MYO16: variants seen among roughly 807,000 people sequenced by gnomAD.
The protein encoded by MYO16 is unconventional myosin-XVI.
Under a neutral mutation model 205.3 loss-of-function variants are expected in MYO16, and 94 were observed. The observed-to-expected ratio is 0.46, with a 90% CI of 0.39 to 0.54. MYO16 has a LOEUF of 0.54. MYO16 is among the 20% of genes least tolerant of loss of function. The pLI, the probability that MYO16 is intolerant of heterozygous loss-of-function variation, is 0.00. For missense variants in MYO16, 2,315 were observed against 2,387.5 expected, an observed-to-expected ratio of 0.97 and a Z score of 0.63; for synonymous variants, 988 against 954.0, an observed-to-expected ratio of 1.04 and a Z score of -0.66.
chr13:108,520,094 C>T, the MYO16 span, among the ~76,000 whole-genome samples: 50,933 of 151,800 alleles, frequency 0.34, 10,586 homozygotes, highest in African/African-American at 0.59. Context: ...ATTCATTTTC[C>T]GTAGTTATGC....
intron 32 of MYO16, among the ~76,000 whole-genome samples, chr13:109,149,695 G>A (rs1193033933): frequency 6.6e-6 from 1 of 152,144 alleles, no homozygotes; most frequent in Non-Finnish European, 1.5e-5. Context: ...TTGAAACAGA[G>A]CATGTTCTTC....
At chr13:108,977,938 A>G (rs1208409290) in intron 20 of MYO16, among the ~76,000 whole-genome samples, 1 of 152,078 alleles carries the variant, frequency 6.6e-6, no homozygotes, top group East Asian at 1.9e-4. Context: ...TATACCATTT[A>G]GGCTATTGAT....
At chr13:109,179,893 T>A (rs1253855510) in intron 34 of MYO16, among the ~76,000 whole-genome samples, 1 of 152,156 alleles carries the variant, frequency 6.6e-6, no homozygotes, top group Non-Finnish European at 1.5e-5. Flanking sequence ...GTAGATTTAA[T>A]TTATATTGTG....
At chr13:109,157,563 G>A (rs1878131167) in intron 32 of MYO16, among the ~76,000 whole-genome samples, 1 of 152,150 alleles carries the variant, frequency 6.6e-6, no homozygotes, top group African/African-American at 2.4e-5. Context: ...AGAATTCCTA[G>A]AGCATTTTGC....
intron 27 of MYO16, among the ~76,000 whole-genome samples, chr13:109,075,690 G>A (rs180773980): frequency 6.6e-6 from 1 of 152,000 alleles, no homozygotes; most frequent in East Asian, 1.9e-4. Context: ...TCTTTTTATG[G>A]GCTTATTTGC....
At chr13:109,045,342 C>A (rs74119809) in intron 23 of MYO16, among the ~76,000 whole-genome samples, 1 of 152,296 alleles carries the variant, frequency 6.6e-6, no homozygotes, top group African/African-American at 2.4e-5. Flanking sequence ...TCTCCAGAAA[C>A]GACCAAGTGT....
At chr13:108,632,124 A>G (rs567334999) in intron 1 of MYO16, among the ~76,000 whole-genome samples, 7 of 150,890 alleles carry the variant, frequency 4.6e-5, no homozygotes, top group African/African-American at 1.7e-4. Flanking sequence ...ATGGTATCCT[A>G]AGGGTTTATT....
chr13:109,070,287 A>G (rs1385188613), intron 27 of MYO16, among the ~76,000 whole-genome samples: 5 of 152,172 alleles, frequency 3.3e-5, no homozygotes, highest in African/African-American at 4.8e-5. Flanking sequence ...GTAATTCCCA[A>G]TAGACTCTAA....
chr13:108,552,012 C>A, the MYO16 span, among the ~76,000 whole-genome samples: 32 of 152,168 alleles, frequency 2.1e-4, no homozygotes, highest in Non-Finnish European at 4.1e-4. Context: ...ACAGAGCAGG[C>A]TTCAGGCTGG....
chr13:108,700,702 A>G (rs1264685622), intron 2 of MYO16, among the ~76,000 whole-genome samples: 2 of 152,228 alleles, frequency 1.3e-5, no homozygotes, highest in Non-Finnish European at 2.9e-5. Context: ...AACAACCAGC[A>G]GGAACCCTTT....
the MYO16 span, among the ~76,000 whole-genome samples, chr13:108,516,081 G>A: frequency 6.8e-6 from 1 of 148,122 alleles, no homozygotes. Flanking sequence ...CAGCCTCGTT[G>A]CCGCCTTGCA....
rs370745101 is a variant in MYO16, at chr13:109,179,520, C to T, written c.5324-22C>T. The T allele has an allele frequency of 1.4e-3, 2,170 of 1,551,874 alleles. 5 individuals carry two copies. Among genetic ancestry groups the T allele is most frequent in the Non-Finnish European group, 1.3e-3 (1,432 of 1,123,546 alleles). The stretch of plus-strand genomic sequence containing the variant: ...GAACAAGGAGACACTGCTTAACTCC[C>T]GATTTGTGTTGACCTCAATAGGTTT... On this transcript the variant is annotated intron_variant, in intron 33 of 34. Transcript: ENST00000457511.
In MYO16 at chr13:109,140,214, A is replaced by G; in HGVS notation, c.4052-50A>G. On this transcript the variant is annotated intron_variant, in intron 31 of 34. Transcript: ENST00000457511. This position sits in a 1 kb window ranked among gnomAD's most constrained non-coding sequence, Gnocchi z 8.0. Reference sequence around the variant, plus strand: ...GAGTCGAGCCCCGGGCTTGGTGGGCACCCGTGGGCCTGGCCTGGCACCCAC... The same window carrying G: ...GAGTCGAGCCCCGGGCTTGGTGGGCGCCCGTGGGCCTGGCCTGGCACCCAC... 6.3e-7 allele frequency: 1 copy of G among 1,582,256 alleles called. No individual in the cohort carries two copies. Among genetic ancestry groups the G allele is most frequent in the Non-Finnish European group, 8.5e-7 (1 of 1,172,254 alleles).
chr13:108,940,809 T>A (rs1347873162), intron 16 of MYO16, among the ~76,000 whole-genome samples: 2 of 152,232 alleles, frequency 1.3e-5, no homozygotes, highest in Non-Finnish European at 2.9e-5. Context: ...AGTGCAGAAT[T>A]GTATATACTA....
At chr13:108,644,976 T>C (rs1880686703) in intron 1 of MYO16, among the ~76,000 whole-genome samples, 1 of 152,216 alleles carries the variant, frequency 6.6e-6, no homozygotes, top group Non-Finnish European at 1.5e-5. Flanking sequence ...AATTTAGAAG[T>C]TGCAGAGTGT....
rs1879025993 is a variant in MYO16, at chr13:108,871,033, T to C, written c.1425+4791T>C. Among the ~76,000 whole-genome samples the C allele has an allele frequency of 2.0e-5, 3 of 152,174 alleles. No individual in the cohort carries two copies. The South Asian group carries it at 6.2e-4, about 31-fold the overall frequency. ...TGTAGAAATATAAACCGAATTAATCTTCGTTTTCTACTTTTGTTTCTCTTT... is the reference window on the plus strand; with the variant it reads ...TGTAGAAATATAAACCGAATTAATCCTCGTTTTCTACTTTTGTTTCTCTTT... On this transcript the variant is annotated intron_variant, in intron 12 of 34. Coordinates refer to ENST00000457511, the MANE Select transcript of MYO16 (RefSeq NM_001198950.3).
chr13:108,731,696 A>G (rs2139592733), intron 4 of MYO16, among the ~76,000 whole-genome samples: 1 of 152,352 alleles, frequency 6.6e-6, no homozygotes, highest in East Asian at 1.9e-4. Context: ...GCTCTCATTC[A>G]ATGACTTCTA....
At chr13:108,868,069 T>G (rs1878812467) in intron 12 of MYO16, among the ~76,000 whole-genome samples, 1 of 152,236 alleles carries the variant, frequency 6.6e-6, no homozygotes, top group South Asian at 2.1e-4. Context: ...TTTAATTAAC[T>G]ATTGACAGAG....
At chr13:108,546,027 T>A in the MYO16 span, among the ~76,000 whole-genome samples, 1 of 152,182 alleles carries the variant, frequency 6.6e-6, no homozygotes, top group East Asian at 1.9e-4. Flanking sequence ...TCAGTGACCT[T>A]TGGCCATGTG....
Sources: allele counts gnomAD v4.1 joint callset (sites outside exome capture counted in the v4.1 genomes callset), GRCh38; gene constraint gnomAD v4.1.1; non-coding constraint Gnocchi (gnomAD v3.1); transcripts MANE v1.5; gene names NCBI Gene and HGNC (gene_info 2026-07-23, HGNC 2026-07-21).